EFR3B: variants seen among roughly 807,000 people sequenced by gnomAD.
EFR3B encodes protein EFR3 homolog B.
Under a neutral mutation model 104.7 loss-of-function variants are expected in EFR3B, and 64 were observed. The ratio of observed to expected loss-of-function variants is 0.61; its 90% confidence interval spans 0.50 to 0.75. The LOEUF is 0.75. EFR3B is among the 30% of genes least tolerant of loss of function. The pLI is 0.00. For missense variants in EFR3B, 750 were observed against 1,078.5 expected, an observed-to-expected ratio of 0.70 and a Z score of 4.27; for synonymous variants, 385 against 417.9, an observed-to-expected ratio of 0.92 and a Z score of 0.96.
Position 25,042,765 on chromosome 2 carries a change from C to A in EFR3B, c.7+446C>A. On this transcript the variant is annotated intron_variant, in intron 1 of 22. Transcript: ENST00000403714. The surrounding 1 kb of genome is among the most constrained non-coding windows in gnomAD (Gnocchi z 5.4). Reference sequence around the variant, plus strand: ...GGCTCGGAGAAGGCGGGAGGCGGCGCCGGCGGCGCAGAGGCCCGGGGAGCA... The same window carrying A: ...GGCTCGGAGAAGGCGGGAGGCGGCGACGGCGGCGCAGAGGCCCGGGGAGCA... 1.1e-6 allele frequency: 1 copy of A among 930,724 alleles called. No homozygotes were observed. Among genetic ancestry groups the A allele is most frequent in the Non-Finnish European group, 1.3e-6 (1 of 779,340 alleles). The allele number at this position is 930,724 out of a possible 1,614,324, so 57.7% of individuals were successfully genotyped here.
At chr2:25,052,701 A>C (rs1375480299) in intron 1 of EFR3B, among the ~76,000 whole-genome samples, 1 of 151,462 alleles carries the variant, frequency 6.6e-6, no homozygotes, top group African/African-American at 2.4e-5. Context: ...GACGGGGTTT[A>C]ACCATGTTGG....
chr2:25,098,831 A>ATTTTTTTT (rs11416666), intron 3 of EFR3B, among the ~76,000 whole-genome samples: 2 of 83,812 alleles, frequency 2.4e-5, no homozygotes, highest in African/African-American at 5.2e-5. Context: ...TAAGTAGCCA[A>ATTTTTTTT]TTTTTTTTTT....
intron 4 of EFR3B, among the ~76,000 whole-genome samples, chr2:25,113,895 A>G (rs1236487370): frequency 6.6e-6 from 1 of 152,110 alleles, no homozygotes; most frequent in Non-Finnish European, 1.5e-5. Flanking sequence ...AGACAGGGAA[A>G]CTGAGGCACA....
At chr2:25,101,302 A>G (rs1274067349) in intron 3 of EFR3B, among the ~76,000 whole-genome samples, 7 of 152,144 alleles carry the variant, frequency 4.6e-5, no homozygotes, top group African/African-American at 1.4e-4. Context: ...TCTTATAATC[A>G]ACAGATGCTG....
At chr2:25,132,586 T>TC (rs1670377771) in intron 10 of EFR3B, among the ~76,000 whole-genome samples, 1 of 149,926 alleles carries the variant, frequency 6.7e-6, no homozygotes, top group African/African-American at 2.5e-5. Context: ...GAACTCGGGC[T>TC]CCCCCCGACC....
At chr2:25,111,198 A>G (rs1017641843) in intron 4 of EFR3B, among the ~76,000 whole-genome samples, 14 of 152,352 alleles carry the variant, frequency 9.2e-5, no homozygotes, top group African/African-American at 3.1e-4. Context: ...ACAGATGCCA[A>G]GTGTGATCCC....
intron 1 of EFR3B, among the ~76,000 whole-genome samples, chr2:25,054,952 G>A (rs908170342): frequency 2.6e-5 from 4 of 152,236 alleles, no homozygotes; most frequent in African/African-American, 4.8e-5. Context: ...AAAGAGGACA[G>A]AGGTGACATC....
At chr2:25,112,056 A>G (rs1669737353) in intron 4 of EFR3B, among the ~76,000 whole-genome samples, 1 of 152,260 alleles carries the variant, frequency 6.6e-6, no homozygotes, top group South Asian at 2.1e-4. Flanking sequence ...GTGGTCTCCT[A>G]GGCTCTGTGC....
chr2:25,080,020 GC>G, intron 1 of EFR3B: 1 of 911,072 alleles, frequency 1.1e-6, no homozygotes, highest in Non-Finnish European at 1.8e-6. Flanking sequence ...AGAATTTTAA[GC>G]CCACTGTCTG....
intron 5 of EFR3B, 92 bp from the exon 6 acceptor site, chr2:25,128,091 G>C (rs1670215833): frequency 1.4e-6 from 2 of 1,425,528 alleles, no homozygotes; most frequent in Non-Finnish European, 1.9e-6. Context: ...ATGTATCCCT[G>C]ACTCCTAAGC....
chr2:25,124,225 G>T (rs1670098247), intron 5 of EFR3B, among the ~76,000 whole-genome samples: 1 of 151,716 alleles, frequency 6.6e-6, no homozygotes. Context: ...GAATGCCATT[G>T]ACTGCCCTTT....
chr2:25,089,250 G>A (rs1486092923), intron 1 of EFR3B, among the ~76,000 whole-genome samples: 1 of 152,164 alleles, frequency 6.6e-6, no homozygotes, highest in Non-Finnish European at 1.5e-5. Context: ...CAACCCCACA[G>A]CCCCCTTGGG....
rs1558604517 is a variant in EFR3B, at chr2:25,107,826, T to C, written c.363+4039T>C. 4.0e-5 allele frequency among the ~76,000 whole-genome samples: 6 copies of C among 151,750 alleles called. No homozygotes were observed. In the South Asian group the frequency reaches 1.3e-3, roughly 32 times the overall value. On this transcript the variant is annotated intron_variant, in intron 4 of 22. Transcript: ENST00000403714. ...TAAGTGAGCTTTTTTTTTTTTTTAC[T>C]TCTTGTTCTTCATTTTTTATTTTAT... is the stretch of plus-strand genomic sequence containing the variant.
intron 1 of EFR3B, among the ~76,000 whole-genome samples, chr2:25,064,816 C>G (rs1276238965): frequency 1.3e-5 from 2 of 152,160 alleles, no homozygotes; most frequent in African/African-American, 4.8e-5. Flanking sequence ...GCACTTCCTT[C>G]CAAAAATGTA....
chr2:25,133,074 C>A (rs918748967), intron 11 of EFR3B, 60 bp downstream of exon 11: 121 of 1,439,582 alleles, frequency 8.4e-5, no homozygotes, highest in Non-Finnish European at 1.1e-4. Context: ...ATTTTCTGAC[C>A]CCCTCCTTTA....
At chr2:25,067,426 G>GTTTTTTTTTTTTTT (rs111972158) in intron 1 of EFR3B, among the ~76,000 whole-genome samples, 1 of 142,790 alleles carries the variant, frequency 7.0e-6, no homozygotes. Context: ...TTTAGTTTTT[G>GTTTTTTTTTTTTTT]TTTTTTTTTT....
At chr2:25,153,806 G>A in intron 22 of EFR3B, 45 bp downstream of exon 22, 2 of 1,542,974 alleles carry the variant, frequency 1.3e-6, no homozygotes, top group Non-Finnish European at 1.8e-6. Context: ...CCGTGGCCCA[G>A]TATTGGGGTT....
chr2:25,068,286 C>T (rs1668391890), intron 1 of EFR3B, among the ~76,000 whole-genome samples: 1 of 152,120 alleles, frequency 6.6e-6, no homozygotes, highest in South Asian at 2.1e-4. Context: ...ATCTCTGTTT[C>T]CACTCCCCAC....
At position 25,131,219 on chromosome 2, in the gene EFR3B, A is replaced by C. The variant is rs1031801038; in HGVS notation, c.850-149A>C. The C allele has an allele frequency of 9.5e-6, 10 of 1,052,512 alleles. No individual in the cohort carries two copies. In the African/African-American group the frequency reaches 1.6e-4, roughly 17 times the overall value. The allele number at this position is 1,052,512 out of a possible 1,614,324, so 65.2% of individuals were successfully genotyped here. A position where few individuals can be genotyped will look rare whatever the true frequency, so the allele number is the denominator to read the frequency against. On this transcript the variant is annotated intron_variant, in intron 8 of 22. Coordinates refer to ENST00000403714, the MANE Select transcript of EFR3B (RefSeq NM_014971.2). This position sits in a 1 kb window ranked among gnomAD's most constrained non-coding sequence, Gnocchi z 7.6. Reference sequence around the variant, plus strand: ...GAGGGAGAAGGGAAGGATCCAGTAAAGGGCACGAGGTGTCAGTGCCAACTG... The same window carrying C: ...GAGGGAGAAGGGAAGGATCCAGTAACGGGCACGAGGTGTCAGTGCCAACTG...
Sources: allele counts gnomAD v4.1 joint callset (sites outside exome capture counted in the v4.1 genomes callset), GRCh38; gene constraint gnomAD v4.1.1; non-coding constraint Gnocchi (gnomAD v3.1); transcripts MANE v1.5; gene names NCBI Gene and HGNC (gene_info 2026-07-23, HGNC 2026-07-21).